Variants in KNL1 observed in about 807,000 individuals in gnomAD.
KNL1 encodes the protein outer kinetochore KNL1 complex subunit KNL1.
Under a neutral mutation model 201.3 loss-of-function variants are expected in KNL1, and 66 were observed. The ratio of observed to expected loss-of-function variants is 0.33; its 90% CI spans 0.27 to 0.40. The LOEUF is 0.40. KNL1 is among the 10% of genes least tolerant of loss of function. The pLI is 1.00. For missense variants in KNL1, 2,815 were observed against 2,690.5 expected (o/e 1.05, Z -1.02); for synonymous variants, 895 against 899.2 (o/e 1.00, Z 0.08).
At position 40,621,237 on chromosome 15, in the gene KNL1, C is replaced by G; in HGVS notation, c.973C>G (p.His325Asp). The part of the protein sequence containing the change: ...GNDFMDLTFN[H>D]TLQILPATGN... ...TGACTTTATGGACTTGACATTTAACCACACTTTGCAGATCTTACCTGCAAC... is the reference window on the plus strand; with the variant it reads ...TGACTTTATGGACTTGACATTTAACGACACTTTGCAGATCTTACCTGCAAC... Residue 325 changes from histidine to aspartate, a missense_variant, in exon 10 of 26, where the codon CAC (histidine) becomes GAC (aspartate). By Grantham distance (81) the His-to-Asp change is moderately conservative (BLOSUM62 -1). This residue lies in a region of KNL1 where 2,464 missense variants were observed against 2,291.7 expected (regional missense o/e 1.08). Transcript: ENST00000399668. 6.2e-7 allele frequency: 1 copy of G among 1,613,076 alleles called. No individual in the cohort carries two copies.
At chr15:40,632,605 A>C (rs570759834) in intron 13 of KNL1, among the ~76,000 whole-genome samples, 2 of 152,314 alleles carry the variant, frequency 1.3e-5, no homozygotes, top group African/African-American at 4.8e-5. Context: ...CTGTCTCAAA[A>C]AAAAACGAAG....
At chr15:40,613,598 C>A (rs1258471881) in intron 7 of KNL1, among the ~76,000 whole-genome samples, 6 of 151,600 alleles carry the variant, frequency 4.0e-5, no homozygotes, top group Non-Finnish European at 8.8e-5. Context: ...AAATTATTCC[C>A]TCTTTCCCTC....
intron 13 of KNL1, among the ~76,000 whole-genome samples, chr15:40,629,801 G>A (rs191830203): frequency 6.6e-6 from 1 of 151,854 alleles, no homozygotes; most frequent in Non-Finnish European, 1.5e-5. Flanking sequence ...GCGCCCGGCC[G>A]AGAGTTTTCT....
rs201334214 is a variant in KNL1, at chr15:40,622,032, G to T, written c.1768G>T (p.Ala590Ser). The T allele has an allele frequency of 2.1e-4, 339 of 1,614,060 alleles. No homozygotes were observed. The highest frequency in any genetic ancestry group is 9.9e-4 in the Middle Eastern group (6 of 6,062). ...CTTAGGAAGTCAGGTTCCTCTTGCAGCTTATAATCTAGCACCGGAGAGTAC... is the reference window on the plus strand; with the variant it reads ...CTTAGGAAGTCAGGTTCCTCTTGCATCTTATAATCTAGCACCGGAGAGTAC... ...SNLGSQVPLA[A>S]YNLAPESTSE... The change falls in exon 10 of 26, where the codon GCT (alanine) becomes TCT (serine). Residue 590 changes from alanine to serine, a missense_variant. This residue lies in a region of KNL1 where 2,464 missense variants were observed against 2,291.7 expected (regional missense o/e 1.08). Coordinates refer to ENST00000399668, the MANE Select transcript of KNL1 (RefSeq NM_144508.5).
At chr15:40,653,201 A>T (rs1353435229) in intron 21 of KNL1, among the ~76,000 whole-genome samples, 2 of 151,740 alleles carry the variant, frequency 1.3e-5, no homozygotes, top group South Asian at 2.1e-4. Context: ...TTATTTATTT[A>T]TTTTTTTGAG....
rs1415303271 is a variant in KNL1, at chr15:40,621,187, G to A, written c.923G>A (p.Gly308Asp). 6.2e-7 allele frequency: 1 copy of A among 1,612,586 alleles called. No individual in the cohort carries two copies. The highest frequency in any genetic ancestry group is 1.1e-5 in the South Asian group (1 of 90,968). ...SSETNSRESK[G>D]NDITIYGNDF... is the part of the protein sequence containing the mutation. ...GAGACCAACTCACGGGAATCTAAAG[G>A]TAATGATATTACAATTTATGGCAAT... is the stretch of plus-strand genomic sequence containing the variant. Residue 308 changes from glycine to aspartate, a missense_variant, in exon 10 of 26, where the codon GGT becomes GAT. Physicochemically the swap from Gly to Asp is moderately conservative, Grantham distance 94. Coordinates refer to ENST00000399668, the MANE Select transcript of KNL1 (RefSeq NM_144508.5).
At chr15:40,660,664 CAAAAAAAAAA>C (rs35985022) in intron 25 of KNL1, among the ~76,000 whole-genome samples, 1 of 88,814 alleles carries the variant, frequency 1.1e-5, no homozygotes, top group Non-Finnish European at 2.1e-5. Context: ...AACTCCGTCT[CAAAAAAAAAA>C]AAAAAAAAAA....
intron 1 of KNL1, among the ~76,000 whole-genome samples, chr15:40,602,179 A>G (rs923249931): frequency 3.7e-4 from 55 of 148,798 alleles, no homozygotes; most frequent in African/African-American, 1.3e-3. Flanking sequence ...GGCGCCCGCC[A>G]CCGCGCCCAG....
chr15:40,621,728 G>C lies in KNL1; in HGVS notation c.1464G>C (p.Lys488Asn). 6.2e-7 allele frequency: 1 copy of C among 1,613,254 alleles called. No homozygotes were observed. The highest frequency in any genetic ancestry group is 8.5e-7 in the Non-Finnish European group (1 of 1,179,362). The change falls in exon 10 of 26, where the codon AAG (lysine) becomes AAC (asparagine). Residue 488 changes from lysine (K) to asparagine (N), a missense_variant. Coordinates refer to ENST00000399668, the MANE Select transcript of KNL1 (RefSeq NM_144508.5). ...GAGAGGAGAACATGGACATTACCAA[G>C]AGTCATACAGTTGCAATAGATAATC... Reference protein sequence around the residue: ...YSGEENMDITKSHTVAIDNQI... With the variant: ...YSGEENMDITNSHTVAIDNQI...
chr15:40,621,886 A>C lies in KNL1; in HGVS notation c.1622A>C (p.His541Pro), dbSNP rs1490208875. 6.2e-7 allele frequency: 1 copy of C among 1,613,896 alleles called. No homozygotes were observed. The highest frequency in any genetic ancestry group is 8.5e-7 in the Non-Finnish European group (1 of 1,179,922). The change falls in exon 10 of 26, where the codon CAT becomes CCT. Residue 541 changes from histidine (H) to proline (P), a missense_variant. Physicochemically the swap from His to Pro is moderately conservative, Grantham distance 77. Transcript: ENST00000399668. Reference sequence around the variant, plus strand: ...AATGTAAATTGTAACTCAGTTCCTCATGTATCTAAGGAAAGAATACAGCAG... The same window carrying C: ...AATGTAAATTGTAACTCAGTTCCTCCTGTATCTAAGGAAAGAATACAGCAG... ...KMNVNCNSVPHVSKERIQQSL... is the reference protein window; with the variant it reads ...KMNVNCNSVPPVSKERIQQSL...
At chr15:40,601,178 C>T (rs1891780407) in intron 1 of KNL1, among the ~76,000 whole-genome samples, 2 of 152,136 alleles carry the variant, frequency 1.3e-5, no homozygotes, top group South Asian at 4.1e-4. Context: ...GGAGCACAAA[C>T]CCTGTTGTGA....
Position 40,624,888 on chromosome 15 carries a change from G to A in KNL1, c.4624G>A (p.Ala1542Thr), listed in dbSNP as rs751320803. The A allele has an allele frequency of 1.9e-6, 3 of 1,612,544 alleles. No homozygotes were observed. Among genetic ancestry groups the A allele is most frequent in the Non-Finnish European group, 2.5e-6 (3 of 1,179,674 alleles). The change falls in exon 10 of 26, where the codon GCA becomes ACA. Residue 1542 changes from alanine to threonine, a missense_variant. Around this residue, in one of 3 missense-constraint regions of KNL1, gnomAD observed 2,464 missense variants for 2,291.7 expected, o/e 1.08. Transcript: ENST00000399668. ...VIQTHVNAGE[A>T]PDPVITSNVP... ...TCAAACTCATGTCAATGCTGGAGAAGCACCAGATCCTGTAATTACATCTAA... is the reference window on the plus strand; with the variant it reads ...TCAAACTCATGTCAATGCTGGAGAAACACCAGATCCTGTAATTACATCTAA...
intron 24 of KNL1, among the ~76,000 whole-genome samples, chr15:40,658,845 G>A (rs1893817816): frequency 6.6e-6 from 1 of 150,814 alleles, no homozygotes; most frequent in African/African-American, 2.4e-5. Flanking sequence ...CAGGAGAATC[G>A]CTTGAACCTG....
In KNL1 at chr15:40,629,323, G is replaced by A. The variant is rs770894918; in HGVS notation, c.5634G>A (p.Gln1878=). 2 of 1,605,060 alleles carry A rather than the reference G, an allele frequency of 1.2e-6. No individual in the cohort carries two copies. The highest frequency in any genetic ancestry group is 2.7e-5 in the African/African-American group (2 of 74,196). ...ITIREFFILL[Q]VHILIQKPRQ... is the part of the protein sequence containing the mutation. ...TAAGGGAGTTCTTTATACTTCTCCA[G>A]GTCCACATCTTGATACAGAAACCCC... is the stretch of plus-strand genomic sequence containing the variant. The change falls in exon 13 of 26, where the codon CAG becomes CAA. Residue 1878 remains glutamine (Q), a synonymous_variant. Transcript: ENST00000399668.
chr15:40,658,202 G>T (rs192133259), intron 24 of KNL1, among the ~76,000 whole-genome samples: 2 of 151,760 alleles, frequency 1.3e-5, no homozygotes, highest in Non-Finnish European at 2.9e-5. Context: ...GGAGGCGGAG[G>T]TTGCAGTGAG....
intron 13 of KNL1, among the ~76,000 whole-genome samples, chr15:40,631,631 T>C (rs1275129056): frequency 6.6e-6 from 1 of 151,946 alleles, no homozygotes; most frequent in African/African-American, 2.4e-5. Context: ...TTAATACTCA[T>C]AATATCCACA....
chr15:40,629,402 A>G (rs1892841197), intron 13 of KNL1, 31 bp downstream of exon 13: 1 of 1,422,404 alleles, frequency 7.0e-7, no homozygotes, highest in African/African-American at 1.4e-5. Context: ...AAATGTTTGC[A>G]TCAAAGCAAA....
At position 40,622,847 on chromosome 15, in the gene KNL1, T is replaced by A; in HGVS notation, c.2583T>A (p.Thr861=). ...KSVGGPKIDK[T]IVFSEDDKND... is the part of the protein sequence containing the mutation. ...TTGGTGGACCAAAAATTGATAAGAC[T>A]ATTGTATTTTCAGAAGACGATAAGA... The change falls in exon 10 of 26, where the codon ACT becomes ACA. Residue 861 remains threonine (T), a synonymous_variant. Coordinates refer to ENST00000399668, the MANE Select transcript of KNL1 (RefSeq NM_144508.5). The A allele has an allele frequency of 6.2e-7, 1 of 1,613,258 alleles. No homozygotes were observed. Among genetic ancestry groups the A allele is most frequent in the Non-Finnish European group, 8.5e-7 (1 of 1,179,570 alleles).
intron 8 of KNL1, among the ~76,000 whole-genome samples, chr15:40,617,012 G>T (rs117340862): frequency 0.042 from 6,405 of 152,118 alleles, 170 homozygotes; most frequent in East Asian, 0.12. Context: ...GAGGTGGTGC[G>T]ATCTTGGCTC....
Sources: gnomAD v4.1 joint callset for allele counts (sites outside exome capture counted in the v4.1 genomes callset) on GRCh38, gnomAD v4.1.1 for gene constraint, gnomAD v4.1.1 regional missense constraint, MANE v1.5 for transcripts, NCBI Gene and HGNC (gene_info 2026-07-23, HGNC 2026-07-21) for gene names.